Variants in DCC observed in about 807,000 individuals in gnomAD.
DCC encodes the protein DCC netrin 1 receptor, also known as netrin receptor DCC.
A neutral mutation model predicts 172.5 loss-of-function variants in DCC; 58 were observed. The observed-to-expected ratio is 0.34, with a 90% CI of 0.27 to 0.42. The LOEUF is 0.42. Among genes scored for constraint, DCC ranks in the 10% least tolerant of loss-of-function variants. The probability of loss-of-function intolerance (pLI) is 1.00; values close to 1 mark genes in which losing one functional copy is unlikely to be tolerated. For missense variants in DCC, 1,740 were observed against 1,791.0 expected (o/e 0.97, Z 0.51); for synonymous variants, 709 against 644.5 (o/e 1.10, Z -1.52).
chr18:52,879,229 T>C (rs2039444502), intron 2 of DCC, among the ~76,000 whole-genome samples: 1 of 152,106 alleles, frequency 6.6e-6, no homozygotes, highest in African/African-American at 2.4e-5. Flanking sequence ...TTTATTGTCT[T>C]CATAAAAGTT....
chr18:53,239,128 G>T (rs1025285033), intron 12 of DCC, among the ~76,000 whole-genome samples: 2 of 151,012 alleles, frequency 1.3e-5, no homozygotes, highest in African/African-American at 4.9e-5. Context: ...CACCAACATG[G>T]CACGTGTATA....
At chr18:52,981,764 C>G (rs970995088) in intron 5 of DCC, among the ~76,000 whole-genome samples, 1 of 151,954 alleles carries the variant, frequency 6.6e-6, no homozygotes, top group East Asian at 1.9e-4. Context: ...TTACATTTTT[C>G]TTGGCATGTT....
intron 7 of DCC, among the ~76,000 whole-genome samples, chr18:53,090,587 G>A (rs1397589706): frequency 6.7e-6 from 1 of 149,822 alleles, no homozygotes; most frequent in Non-Finnish European, 1.5e-5. Flanking sequence ...CCAGCCACTC[G>A]GCAGGCTGAG....
chr18:52,979,221 A>G (rs912563082), intron 5 of DCC, among the ~76,000 whole-genome samples: 1 of 152,228 alleles, frequency 6.6e-6, no homozygotes, highest in African/African-American at 2.4e-5. Flanking sequence ...ATGGAGGTAC[A>G]GGAGATTAGT....
intron 1 of DCC, among the ~76,000 whole-genome samples, chr18:52,454,938 A>G (rs1462724216): frequency 6.6e-6 from 1 of 152,214 alleles, no homozygotes; most frequent in Non-Finnish European, 1.5e-5. Flanking sequence ...AAATACCACT[A>G]GACTATTCAA....
chr18:53,383,108 A>G (rs975632089), intron 15 of DCC, among the ~76,000 whole-genome samples: 13 of 152,114 alleles, frequency 8.5e-5, no homozygotes, highest in Non-Finnish European at 8.8e-5. Flanking sequence ...CAGAGGCTAG[A>G]TCAGACTAAG....
intron 1 of DCC, among the ~76,000 whole-genome samples, chr18:52,349,063 G>A (rs1449992679): frequency 6.6e-6 from 1 of 152,106 alleles, no homozygotes; most frequent in East Asian, 1.9e-4. Flanking sequence ...ATCTTAATAT[G>A]ATCATTTGAA....
At chr18:52,819,602 C>G (rs2038367014) in intron 2 of DCC, among the ~76,000 whole-genome samples, 1 of 152,080 alleles carries the variant, frequency 6.6e-6, no homozygotes, top group South Asian at 2.1e-4. Flanking sequence ...GATAAAAGAC[C>G]TGTTTATTAA....
intron 21 of DCC, among the ~76,000 whole-genome samples, chr18:53,424,502 A>G (rs776269590): frequency 3.9e-5 from 6 of 152,166 alleles, no homozygotes; most frequent in Non-Finnish European, 5.9e-5. Context: ...AAAATGCCAA[A>G]TCAGATGGTA....
chr18:53,460,157 GT>G (rs1464747950), intron 24 of DCC, among the ~76,000 whole-genome samples: 1 of 65,980 alleles, frequency 1.5e-5, no homozygotes, highest in Non-Finnish European at 4.8e-5. Flanking sequence ...TTGTAAGATA[GT>G]TCACTTTCTC....
chr18:52,928,925 A>G (rs1176784510), intron 5 of DCC, among the ~76,000 whole-genome samples: 1 of 152,104 alleles, frequency 6.6e-6, no homozygotes, highest in Non-Finnish European at 1.5e-5. Flanking sequence ...GGCTGGTGGC[A>G]ATGGAGAGCA....
At chr18:52,516,580 T>C (rs1191514910) in intron 1 of DCC, among the ~76,000 whole-genome samples, 1 of 152,172 alleles carries the variant, frequency 6.6e-6, no homozygotes, top group Non-Finnish European at 1.5e-5. Context: ...CAAAAATACG[T>C]TAAATAAAAA....
At chr18:52,647,931 A>C (rs1263468207) in intron 1 of DCC, among the ~76,000 whole-genome samples, 2 of 152,210 alleles carry the variant, frequency 1.3e-5, no homozygotes, top group African/African-American at 4.8e-5. Context: ...GAAAAACTGG[A>C]ATAAATGTTA....
intron 12 of DCC, among the ~76,000 whole-genome samples, chr18:53,278,907 A>C (rs1393011981): frequency 6.6e-6 from 1 of 152,132 alleles, no homozygotes; most frequent in Non-Finnish European, 1.5e-5. Flanking sequence ...TGTGACTTAT[A>C]ATCCTTTGGG....
intron 12 of DCC, among the ~76,000 whole-genome samples, chr18:53,278,092 G>A (rs1044411003): frequency 1.3e-5 from 2 of 151,976 alleles, no homozygotes; most frequent in South Asian, 2.1e-4. Context: ...ATATTCACAG[G>A]CATATGACTA....
intron 27 of DCC, among the ~76,000 whole-genome samples, chr18:53,519,714 G>T (rs189773277): frequency 4.5e-4 from 68 of 152,000 alleles, no homozygotes; most frequent in Non-Finnish European, 9.0e-4. Context: ...TATGAAAAGC[G>T]TTCATGTTTA....
chr18:52,913,734 ATG>A (rs2040001993), intron 3 of DCC, among the ~76,000 whole-genome samples: 1 of 152,060 alleles, frequency 6.6e-6, no homozygotes, highest in Non-Finnish European at 1.5e-5. Context: ...TTACTTATGA[ATG>A]TGATATTTAA....
In DCC at chr18:52,404,662, T is replaced by A. The variant is rs574027767; in HGVS notation, c.91+63784T>A. Among the ~76,000 whole-genome samples the A allele has an allele frequency of 5.5e-5, 8 of 145,650 alleles. No homozygotes were observed. The South Asian group carries it at 1.7e-3, about 31-fold the overall frequency. ...AATGGAGTTTTCTTTTTTGTTTTCT[T>A]TTTTTTTTTTAAATTATACTTTAAG... On this transcript the variant is annotated intron_variant, in intron 1 of 28. Transcript: ENST00000442544.
intron 8 of DCC, among the ~76,000 whole-genome samples, chr18:53,160,320 T>A: frequency 6.6e-6 from 1 of 152,174 alleles, no homozygotes; most frequent in East Asian, 1.9e-4. Context: ...CTATCCTTTA[T>A]TTAGGACTCT....
Sources: allele counts gnomAD v4.1 joint callset (sites outside exome capture counted in the v4.1 genomes callset), GRCh38; gene constraint gnomAD v4.1.1; transcripts MANE v1.5; gene names NCBI Gene and HGNC (gene_info 2026-07-23, HGNC 2026-07-21).